The following UBE2A variants were observed in gnomAD, a reference collection of about 807,000 sequenced individuals.
UBE2A encodes the protein ubiquitin conjugating enzyme E2 A, also known as ubiquitin-conjugating enzyme E2 A.
For synonymous variants in UBE2A, 39 were observed against 41.1 expected (o/e 0.95, Z 0.20); for missense variants, 27 against 125.8 (o/e 0.21, Z 3.76).
chrX:119,583,006 G>A (rs2053460302), intron 5 of UBE2A, 121 bp from the exon 6 acceptor site: 2 of 916,791 alleles, frequency 2.2e-6, no homozygotes, highest in African/African-American at 3.9e-5. Context: ...ACATAACTCT[G>A]GGTTTGTATG....
chrX:119,582,374 C>A, intron 4 of UBE2A: 1 of 278,957 alleles, frequency 3.6e-6, no homozygotes, highest in Non-Finnish European at 6.4e-6. Flanking sequence ...AAATATCTTC[C>A]AGTTTTATAC....
Position 119,574,615 on chromosome X carries a change from C to T in UBE2A, c.-97C>T. 9.2e-7 allele frequency: 1 copy of T among 1,090,629 alleles called. No homozygotes were observed. The highest frequency in any genetic ancestry group is 1.8e-5 in the African/African-American group (1 of 55,258). The allele number at this position is 1,090,629 out of a possible 1,213,427, so 89.9% of individuals were successfully genotyped here. A position where few individuals can be genotyped will look rare whatever the true frequency, so the allele number is the denominator to read the frequency against. The stretch of plus-strand genomic sequence containing the variant: ...GCGCGGTTCCTCTGGGTGCTTCCGC[C>T]TCCCCTTCTCCTGCTTCTCCAGCCT... On this transcript the variant is annotated 5_prime_UTR_variant, in exon 1 of 6. Transcript: ENST00000371558.
rs1440670259 is a variant in UBE2A, at chrX:119,582,802, A to G, written c.330+126A>G. 4 of 639,544 alleles carry G rather than the reference A, an allele frequency of 6.3e-6. No individual in the cohort carries two copies. The Admixed American group carries it at 1.1e-4, about 18-fold the overall frequency. 52.7% of individuals were successfully genotyped at this position (639,544 alleles called of 1,213,427 possible). On this transcript the variant is annotated intron_variant, in intron 5 of 5. Transcript: ENST00000371558. ...TGGTCAAAGCTTGTTTGTTTTATAG[A>G]TGAAAAGTAGACCATTAAGACCCAA...
intron 5 of UBE2A, 52 bp from the exon 6 acceptor site, chrX:119,583,075 A>G: frequency 8.3e-7 from 1 of 1,197,639 alleles, no homozygotes; most frequent in Admixed American, 2.2e-5. Flanking sequence ...ACTACCTTAT[A>G]AAATAGTTGT....
chrX:119,579,972 G>C (rs780649890), intron 3 of UBE2A, among the ~76,000 whole-genome samples: 1 of 111,699 alleles, frequency 9.0e-6, no homozygotes, highest in South Asian at 3.7e-4. Flanking sequence ...ATACTGAAAA[G>C]GAAGAACTGT....
In UBE2A at chrX:119,575,452, A is replaced by G. The variant is rs962091665; in HGVS notation, c.151+52A>G. On this transcript the variant is annotated intron_variant, in intron 3 of 5. Transcript: ENST00000371558. The stretch of plus-strand genomic sequence containing the variant: ...TTCAGGAGCCTGGTCATCTGGGGAA[A>G]GGGTTCCCAGTCATCCTGGAAGTGT... The G allele has an allele frequency of 1.2e-5, 14 of 1,197,677 alleles. No homozygotes were observed. In the African/African-American group the frequency reaches 1.6e-4, roughly 14 times the overall value.
At position 119,574,572 on chromosome X, in the gene UBE2A, C is replaced by G; in HGVS notation, c.-140C>G. On this transcript the variant is annotated 5_prime_UTR_variant, in exon 1 of 6. Transcript: ENST00000371558. ...GTGCTTAGCCGGCGCCAGACCGACCCTCGACTTCGGAGAGGCAGCGCGGTT... is the reference window on the plus strand; with the variant it reads ...GTGCTTAGCCGGCGCCAGACCGACCGTCGACTTCGGAGAGGCAGCGCGGTT... 1 of 871,800 alleles carries G rather than the reference C, an allele frequency of 1.1e-6. No individual in the cohort carries two copies. The highest frequency in any genetic ancestry group is 3.4e-5 in the East Asian group (1 of 29,273). 71.8% of individuals were successfully genotyped at this position (871,800 alleles called of 1,213,427 possible).
chrX:119,583,299 ATTGATGTG>A lies in UBE2A; in HGVS notation c.*47_*54del. 9.1e-6 allele frequency: 11 copies of A among 1,207,355 alleles called. No homozygotes were observed. Among genetic ancestry groups the A allele is most frequent in the Non-Finnish European group, 1.1e-5 (10 of 891,930 alleles). ...GAAGCTGGCCATAAGAAAAATATATATTGATGTGTTTGTCACCTCCCTACTCCTGTCAT... is the reference window on the plus strand; with the variant it reads ...GAAGCTGGCCATAAGAAAAATATATATTTGTCACCTCCCTACTCCTGTCAT... On this transcript the variant is annotated 3_prime_UTR_variant, in exon 6 of 6. Coordinates refer to ENST00000371558, the MANE Select transcript of UBE2A (RefSeq NM_003336.4).
rs2053400432 is a variant in UBE2A, at chrX:119,574,598, C to T, written c.-114C>T. Reference sequence around the variant, plus strand: ...TCGACTTCGGAGAGGCAGCGCGGTTCCTCTGGGTGCTTCCGCCTCCCCTTC... The same window carrying T: ...TCGACTTCGGAGAGGCAGCGCGGTTTCTCTGGGTGCTTCCGCCTCCCCTTC... On this transcript the variant is annotated 5_prime_UTR_variant, in exon 1 of 6. Transcript: ENST00000371558. The T allele has an allele frequency of 5.9e-6, 6 of 1,014,896 alleles. No individual in the cohort carries two copies. Among genetic ancestry groups the T allele is most frequent in the South Asian group, 4.0e-5 (2 of 49,572 alleles). 83.6% of individuals were successfully genotyped at this position (1,014,896 alleles called of 1,213,427 possible). A position where few individuals can be genotyped will look rare whatever the true frequency, so the allele number is the denominator to read the frequency against.
intron 3 of UBE2A, among the ~76,000 whole-genome samples, chrX:119,576,431 G>GT (rs781686920): frequency 9.8e-4 from 108 of 109,677 alleles, no homozygotes; most frequent in Non-Finnish European, 1.5e-3. Flanking sequence ...AATATTTGAG[G>GT]TTTTAAAAAA....
intron 3 of UBE2A, among the ~76,000 whole-genome samples, chrX:119,576,578 T>C (rs2053417557): frequency 8.9e-6 from 1 of 111,861 alleles, no homozygotes; most frequent in Non-Finnish European, 1.9e-5. Context: ...ACTTAATACA[T>C]ACTTATGTTG....
Position 119,583,621 on chromosome X carries a change from C to G in UBE2A, c.*366C>G. ...TTGATGACCAGGATGTTATTTTTAA[C>G]AAAATGATTGCTGAAGTGTTTCATC... is the stretch of plus-strand genomic sequence containing the variant. On this transcript the variant is annotated 3_prime_UTR_variant, in exon 6 of 6. Transcript: ENST00000371558. The G allele has an allele frequency of 4.9e-6, 1 of 204,178 alleles. No homozygotes were observed. The highest frequency in any genetic ancestry group is 9.0e-6 in the Non-Finnish European group (1 of 110,714). The allele number at this position is 204,178 out of a possible 1,213,427, so 16.8% of individuals were successfully genotyped here.
At chrX:119,579,436 T>G (rs1385400010) in intron 3 of UBE2A, among the ~76,000 whole-genome samples, 1 of 112,386 alleles carries the variant, frequency 8.9e-6, no homozygotes, top group Non-Finnish European at 1.9e-5. Flanking sequence ...TCTAGAGATG[T>G]GAAACTTTAG....
At chrX:119,577,840 C>G (rs1397977795) in intron 3 of UBE2A, among the ~76,000 whole-genome samples, 5 of 109,619 alleles carry the variant, frequency 4.6e-5, no homozygotes, top group Non-Finnish European at 9.5e-5. Context: ...GGGGGTTTCA[C>G]TATGTTGGGC....
chrX:119,576,271 A>G (rs1389893882), intron 3 of UBE2A, among the ~76,000 whole-genome samples: 1 of 111,617 alleles, frequency 9.0e-6, no homozygotes, highest in Non-Finnish European at 1.9e-5. Flanking sequence ...AAACCCTCCC[A>G]TTTGGTAACA....
intron 3 of UBE2A, among the ~76,000 whole-genome samples, chrX:119,579,556 T>C (rs1569406559): frequency 9.0e-6 from 1 of 111,726 alleles, no homozygotes. Context: ...GTGGGTACTA[T>C]GATTAATCTC....
chrX:119,581,686 GTATT>G lies in UBE2A; in HGVS notation c.241+92_241+95del, dbSNP rs779921506. 7.0e-4 allele frequency: 529 copies of G among 752,490 alleles called. No homozygotes were observed. In the South Asian group the frequency reaches 0.011, roughly 16 times the overall value. 62.0% of individuals were successfully genotyped at this position (752,490 alleles called of 1,213,427 possible). ...TTCCTGTGTATTTTGTGGTGCCTGA[GTATT>G]TGTTTAGGCAGCTTGCTGCTTCTTG... On this transcript the variant is annotated intron_variant, in intron 4 of 5. Coordinates refer to ENST00000371558, the MANE Select transcript of UBE2A (RefSeq NM_003336.4).
Position 119,574,774 on chromosome X carries a change from C to T in UBE2A, c.44+19C>T. On this transcript the variant is annotated intron_variant, in intron 1 of 5. Coordinates refer to ENST00000371558, the MANE Select transcript of UBE2A (RefSeq NM_003336.4). ...TCAAGAGGTAAACCGAGGGGACGGC[C>T]GAGGCCGGGGGTTGCGAGCTGGGGC... 1.7e-6 allele frequency: 2 copies of T among 1,184,891 alleles called. No homozygotes were observed. Among genetic ancestry groups the T allele is most frequent in the South Asian group, 1.9e-5 (1 of 53,963 alleles).
At chrX:119,576,617 A>G (rs745569660) in intron 3 of UBE2A, among the ~76,000 whole-genome samples, 2 of 111,900 alleles carry the variant, frequency 1.8e-5, no homozygotes, top group Admixed American at 9.5e-5. Context: ...TGATGCTACC[A>G]GTCCACAAAA....
Sources: gnomAD v4.1 joint callset for allele counts (sites outside exome capture counted in the v4.1 genomes callset) on GRCh38, gnomAD v4.1.1 for gene constraint, MANE v1.5 for transcripts, NCBI Gene and HGNC (gene_info 2026-07-23, HGNC 2026-07-21) for gene names.